Variants in CADM1 observed in about 807,000 individuals in gnomAD.
CADM1 encodes cell adhesion molecule 1, also known as TSLC-1.
Under a neutral mutation model 53.1 loss-of-function variants are expected in CADM1, and 15 were observed. The observed-to-expected ratio is 0.28, with a 90% CI of 0.19 to 0.44. CADM1 has a LOEUF of 0.44. Ranked by LOEUF, CADM1 falls within the 20% of genes least tolerant of loss-of-function variation. The pLI is 1.00. For synonymous variants in CADM1, 281 were observed against 243.0 expected (o/e 1.16, Z -1.45); for missense variants, 434 against 611.3 (o/e 0.71, Z 3.06).
intron 8 of CADM1, among the ~76,000 whole-genome samples, chr11:115,206,758 C>CTTTTTTTT (rs56270694): frequency 0.18 from 7,036 of 38,158 alleles, 3,243 homozygotes; most frequent in South Asian, 0.24. Flanking sequence ...CTGTGGACTT[C>CTTTTTTTT]TTTTTTTTTT....
intron 1 of CADM1, among the ~76,000 whole-genome samples, chr11:115,463,486 C>A (rs998323076): frequency 1.3e-5 from 2 of 152,204 alleles, no homozygotes; most frequent in Non-Finnish European, 2.9e-5. Context: ...CTAGACACAG[C>A]AGACAACAAA....
chr11:115,447,915 T>C (rs1425172853), intron 1 of CADM1, among the ~76,000 whole-genome samples: 1 of 152,214 alleles, frequency 6.6e-6, no homozygotes, highest in East Asian at 1.9e-4. Context: ...TCTTAGGTGC[T>C]CTTTCTTAGC....
intron 1 of CADM1, among the ~76,000 whole-genome samples, chr11:115,284,057 G>A (rs1237199412): frequency 7.4e-6 from 1 of 134,662 alleles, no homozygotes; most frequent in African/African-American, 2.8e-5. Context: ...GGGCCTGTGA[G>A]AACCAGGGTG....
chr11:115,296,099 T>G (rs1456119739), intron 1 of CADM1, among the ~76,000 whole-genome samples: 1 of 152,034 alleles, frequency 6.6e-6, no homozygotes, highest in African/African-American at 2.4e-5. Context: ...TACAGGTGAG[T>G]GCACCCATGC....
intron 1 of CADM1, among the ~76,000 whole-genome samples, chr11:115,272,404 A>G (rs1231330553): frequency 6.6e-6 from 1 of 152,094 alleles, no homozygotes; most frequent in African/African-American, 2.4e-5. Context: ...ATTCAGGTGT[A>G]TATAAAAACT....
chr11:115,406,662 T>C (rs1369780963), intron 1 of CADM1, among the ~76,000 whole-genome samples: 2 of 150,382 alleles, frequency 1.3e-5, no homozygotes, highest in African/African-American at 4.9e-5. Flanking sequence ...TAAGAAGTGA[T>C]ATGGCCAGGC....
At chr11:115,436,509 G>C (rs192630264) in intron 1 of CADM1, among the ~76,000 whole-genome samples, 94 of 152,238 alleles carry the variant, frequency 6.2e-4, no homozygotes, top group African/African-American at 2.1e-3. Flanking sequence ...CCCTTGTCAT[G>C]AACTGTGATT....
intron 1 of CADM1, among the ~76,000 whole-genome samples, chr11:115,248,925 T>A (rs180723589): frequency 1.3e-5 from 2 of 152,272 alleles, no homozygotes; most frequent in East Asian, 3.9e-4. Flanking sequence ...GAAGGGGGGC[T>A]CTTAAAAAAT....
At chr11:115,422,368 C>T (rs535490882) in intron 1 of CADM1, among the ~76,000 whole-genome samples, 11 of 152,102 alleles carry the variant, frequency 7.2e-5, no homozygotes, top group Non-Finnish European at 1.3e-4. Flanking sequence ...TCTCAAACAT[C>T]TGATTAAAAG....
chr11:115,299,042 T>A (rs910629156), intron 1 of CADM1, among the ~76,000 whole-genome samples: 1 of 152,210 alleles, frequency 6.6e-6, no homozygotes, highest in South Asian at 2.1e-4. Flanking sequence ...TAATCTTAAA[T>A]TGGGTTCTCT....
chr11:115,281,560 A>C (rs1166355307), intron 1 of CADM1, among the ~76,000 whole-genome samples: 1 of 152,214 alleles, frequency 6.6e-6, no homozygotes, highest in Non-Finnish European at 1.5e-5. Context: ...GATCCAGCTT[A>C]AGATTCTGAA....
At chr11:115,423,019 C>T (rs563524605) in intron 1 of CADM1, among the ~76,000 whole-genome samples, 20 of 143,562 alleles carry the variant, frequency 1.4e-4, no homozygotes, top group African/African-American at 3.2e-4. Flanking sequence ...ACCTAGAAAA[C>T]GCTACGGTCT....
rs186227839 is a variant in CADM1, at chr11:115,226,909, A to T, written c.721+2204T>A. On this transcript the variant is annotated intron_variant, in intron 5 of 11. Transcript: ENST00000331581. Reference sequence around the variant, plus strand: ...TCTGCAAAGTTCTCAATAGTGCTCTAGGAGTGGAGGGTAGTGAACTTTCTT... The same window carrying T: ...TCTGCAAAGTTCTCAATAGTGCTCTTGGAGTGGAGGGTAGTGAACTTTCTT... Among the ~76,000 whole-genome samples, 4 of 152,358 alleles carry T rather than the reference A, an allele frequency of 2.6e-5. No homozygotes were observed. The East Asian group carries it at 7.7e-4, about 29-fold the overall frequency.
chr11:115,419,801 G>T (rs1425963620), intron 1 of CADM1, among the ~76,000 whole-genome samples: 1 of 152,168 alleles, frequency 6.6e-6, no homozygotes, highest in Non-Finnish European at 1.5e-5. Flanking sequence ...GGAAGTGGCT[G>T]ATGTCCAAAC....
intron 1 of CADM1, among the ~76,000 whole-genome samples, chr11:115,322,361 A>T (rs1944845931): frequency 1.3e-5 from 2 of 152,224 alleles, no homozygotes; most frequent in Admixed American, 6.5e-5. Context: ...GCTGCCAATG[A>T]CTTCATTAGA....
rs1311430629 is a variant in CADM1 at position 115,393,557 on chromosome 11, T to TG, written c.124+110713dup. On this transcript the variant is annotated intron_variant, in intron 1 of 11. Coordinates refer to ENST00000331581, the MANE Select transcript of CADM1 (RefSeq NM_001301043.2). ...AAAAAGAGCAAATGTTAACAGTATC[T>TG]GAAAAAAAAAAAACATAGAGGTAGC... Among the ~76,000 whole-genome samples, 7 of 126,516 alleles carry TG rather than the reference T, an allele frequency of 5.5e-5. No individual in the cohort carries two copies. The South Asian group carries it at 1.4e-3, about 26-fold the overall frequency. 83.0% of individuals were successfully genotyped at this position (126,516 alleles called of 152,430 possible). A position where few individuals can be genotyped will look rare whatever the true frequency, so the allele number is the denominator to read the frequency against.
chr11:115,462,493 T>C (rs1242034371), intron 1 of CADM1, among the ~76,000 whole-genome samples: 1 of 152,108 alleles, frequency 6.6e-6, no homozygotes, highest in Admixed American at 6.5e-5. Flanking sequence ...CAGTAAGGTG[T>C]ACCGACATCA....
chr11:115,363,710 A>G (rs1946087051), intron 1 of CADM1: 1 of 152,164 alleles, frequency 6.6e-6, no homozygotes, highest in Non-Finnish European at 1.5e-5. Flanking sequence ...AGATTCTTGG[A>G]CTATTTTAGT....
rs1565349378 is a variant in CADM1, at chr11:115,295,538, ATATATATATAT to A, written c.125-55129_125-55119del. Among the ~76,000 whole-genome samples, 59 of 74,520 alleles carry A rather than the reference ATATATATATAT, an allele frequency of 7.9e-4. 1 individual carries two copies. Among genetic ancestry groups the A allele is most frequent in the South Asian group, 1.9e-3 (6 of 3,190 alleles). 48.9% of individuals were successfully genotyped at this position (74,520 alleles called of 152,430 possible). On this transcript the variant is annotated intron_variant, in intron 1 of 11. Coordinates refer to ENST00000331581, the MANE Select transcript of CADM1 (RefSeq NM_001301043.2). ...TATATATATATATATATATATATAT[ATATATATATAT>A]AATATATATGTATATGCACATATAT...
Sources: gnomAD v4.1 joint callset for allele counts (sites outside exome capture counted in the v4.1 genomes callset) on GRCh38, gnomAD v4.1.1 for gene constraint, MANE v1.5 for transcripts, NCBI Gene and HGNC (gene_info 2026-07-23, HGNC 2026-07-21) for gene names.